The following NYNRIN variants were observed in gnomAD, a reference collection of about 807,000 sequenced individuals.
NYNRIN encodes the protein protein NYNRIN.
NYNRIN carries 86 observed loss-of-function variants against 146.6 expected under a neutral mutation model. The observed-to-expected ratio is 0.59, with a 90% CI of 0.49 to 0.70. NYNRIN has a LOEUF of 0.70. Among genes scored for constraint, NYNRIN ranks in the 30% least tolerant of loss-of-function variants. The pLI, the probability that NYNRIN is intolerant of heterozygous loss-of-function variation, is 0.00. For missense variants in NYNRIN, 2,191 were observed against 2,377.7 expected (o/e 0.92, Z 1.63); for synonymous variants, 1,027 against 1,001.3 (o/e 1.03, Z -0.48).
rs117382675 is a variant in NYNRIN, at chr14:24,400,302, C to G, written c.198+858C>G. The stretch of plus-strand genomic sequence containing the variant: ...CTGGCTTCTCTCACAAGCTTTTCCT[C>G]CCCTTGGGCCTGTCAGATTCCACTG... On this transcript the variant is annotated intron_variant, in intron 2 of 8. Transcript: ENST00000382554. Among the ~76,000 whole-genome samples, 79 of 152,348 alleles carry G rather than the reference C, an allele frequency of 5.2e-4. 3 individuals are homozygous for G. In the East Asian group the frequency reaches 0.015, roughly 29 times the overall value.
In NYNRIN at chr14:24,408,100, G is replaced by T. The variant is rs775948701; in HGVS notation, c.430G>T (p.Gly144Cys). ...GGAGCTGGTGGGGCGACTGCGCTGG[G>T]GCCCTGCCCCTCTGCTGACCCCCCG... ...LEELVGRLRW[G>C]PAPLLTPRGI... is the part of the protein sequence containing the mutation. The change falls in exon 3 of 9, where the codon GGC becomes TGC. Residue 144 changes from glycine (G) to cysteine (C), a missense_variant. Gly to Cys is a radical substitution (Grantham distance 159, BLOSUM62 -3). Coordinates refer to ENST00000382554, the MANE Select transcript of NYNRIN (RefSeq NM_025081.3). 6.2e-7 allele frequency: 1 copy of T among 1,612,704 alleles called. No homozygotes were observed. Among genetic ancestry groups the T allele is most frequent in the South Asian group, 1.1e-5 (1 of 91,040 alleles).
Position 24,409,820 on chromosome 14 carries a change from A to G in NYNRIN, c.2026A>G (p.Arg676Gly), listed in dbSNP as rs1217559901. ...AGTACCTGTGACCCCCAGAGTCTCC[A>G]GAGCTCCCAAAACACCTGCAGCTCA... ...PKVPVTPRVS[R>G]APKTPAAQKV... The change falls in exon 4 of 9, where the codon AGA (arginine) becomes GGA (glycine). Residue 676 changes from arginine (R) to glycine (G), a missense_variant. Physicochemically the swap from Arg to Gly is moderately radical, Grantham distance 125. Coordinates refer to ENST00000382554, the MANE Select transcript of NYNRIN (RefSeq NM_025081.3). The G allele has an allele frequency of 2.5e-6, 4 of 1,613,220 alleles. No homozygotes were observed. Among genetic ancestry groups the G allele is most frequent in the Admixed American group, 3.3e-5 (2 of 59,916 alleles).
In NYNRIN at chr14:24,416,003, C is replaced by T. The variant is rs776375140; in HGVS notation, c.4254C>T (p.Thr1418=). The change falls in exon 9 of 9, where the codon ACC becomes ACT. Residue 1418 remains threonine, a synonymous_variant. Transcript: ENST00000382554. ...TGCTCTCCTACATTATATCCCTCAC[C>T]TCTGGCCTCTCATCCCTTCCGTTTA... is the stretch of plus-strand genomic sequence containing the variant. ...PSLLSYIISL[T]SGLSSLPFIY... 3.1e-6 allele frequency: 5 copies of T among 1,614,044 alleles called. 1 individual carries two copies. The South Asian group carries it at 3.3e-5, about 11-fold the overall frequency.
In NYNRIN at chr14:24,411,256, T is replaced by C. The variant is rs756651086; in HGVS notation, c.2545+50T>C. ...CCTCCACAGTGTCACCAAGCTTTCT[T>C]CTCTCTGCCTTGCTGCCCCGACCCT... On this transcript the variant is annotated intron_variant, in intron 5 of 8. Coordinates refer to ENST00000382554, the MANE Select transcript of NYNRIN (RefSeq NM_025081.3). The surrounding 1 kb of genome is among the most constrained non-coding windows in gnomAD (Gnocchi z 4.3). The C allele has an allele frequency of 6.2e-7, 1 of 1,611,632 alleles. No homozygotes were observed. The highest frequency in any genetic ancestry group is 8.5e-7 in the Non-Finnish European group (1 of 1,178,904).
intron 7 of NYNRIN, 82 bp from the exon 8 acceptor site, chr14:24,413,234 G>A (rs4982909): frequency 7.0e-7 from 1 of 1,421,488 alleles, no homozygotes; most frequent in Non-Finnish European, 9.7e-7. Flanking sequence ...GGGTCTCAGC[G>A]CCATGGAGAA....
chr14:24,405,854 A>G (rs2042872397), intron 2 of NYNRIN, among the ~76,000 whole-genome samples: 1 of 152,258 alleles, frequency 6.6e-6, no homozygotes, highest in African/African-American at 2.4e-5. Flanking sequence ...CACAGTTCCT[A>G]TATATTTCTT....
At position 24,416,023 on chromosome 14, in the gene NYNRIN, C is replaced by T. The variant is rs375065906; in HGVS notation, c.4274C>T (p.Pro1425Leu). ...ISLTSGLSSL[P>L]FIYRTSYRGS... ...CTCACCTCTGGCCTCTCATCCCTTC[C>T]GTTTATCTACCGAACCTCCTACCGG... is the stretch of plus-strand genomic sequence containing the variant. Residue 1425 changes from proline to leucine, a missense_variant, in exon 9 of 9, where the codon CCG becomes CTG. Pro to Leu is a moderately conservative substitution (Grantham distance 98, BLOSUM62 -3). Coordinates refer to ENST00000382554, the MANE Select transcript of NYNRIN (RefSeq NM_025081.3). The T allele has an allele frequency of 1.4e-5, 23 of 1,613,904 alleles. No individual in the cohort carries two copies. The highest frequency in any genetic ancestry group is 2.7e-5 in the African/African-American group (2 of 74,932).
chr14:24,407,996 A>C lies in NYNRIN; in HGVS notation c.326A>C (p.Tyr109Ser). The change falls in exon 3 of 9, where the codon TAC becomes TCC. Residue 109 changes from tyrosine to serine, a missense_variant. By Grantham distance (144) the Tyr-to-Ser change is moderately radical (BLOSUM62 -2). Coordinates refer to ENST00000382554, the MANE Select transcript of NYNRIN (RefSeq NM_025081.3). Reference protein sequence around the residue: ...LDCLCWSTLAYLVPGPPGSLM... With the variant: ...LDCLCWSTLASLVPGPPGSLM... ...TGCCTCTGCTGGAGCACCCTTGCCT[A>C]CCTGGTGCCTGGCCCCCCTGGCTCC... The C allele has an allele frequency of 6.2e-7, 1 of 1,613,978 alleles. No individual in the cohort carries two copies. Among genetic ancestry groups the C allele is most frequent in the Non-Finnish European group, 8.5e-7 (1 of 1,179,890 alleles).
At chr14:24,414,294 C>T (rs904606266) in intron 8 of NYNRIN, among the ~76,000 whole-genome samples, 15 of 152,240 alleles carry the variant, frequency 9.9e-5, no homozygotes, top group Non-Finnish European at 1.8e-4. Context: ...GGCTGGAAGC[C>T]GCCAGTCATC....
In NYNRIN at chr14:24,415,429, C is replaced by G. The variant is rs755029945; in HGVS notation, c.3680C>G (p.Pro1227Arg). The G allele has an allele frequency of 9.9e-6, 16 of 1,613,864 alleles. No homozygotes were observed. Among genetic ancestry groups the G allele is most frequent in the African/African-American group, 1.3e-5 (1 of 74,932 alleles). ...TTTTCCCGCTGCATTGGAGACACCC[C>G]GGTGGTCCTGGACCTTTCCTATGCC... ...KHFSRCIGDT[P>R]VVLDLSYASR... is the part of the protein sequence containing the mutation. Residue 1227 changes from proline (P) to arginine (R), a missense_variant, in exon 9 of 9, where the codon CCG becomes CGG. Pro to Arg is a moderately radical substitution (Grantham distance 103). Coordinates refer to ENST00000382554, the MANE Select transcript of NYNRIN (RefSeq NM_025081.3).
At chr14:24,414,464 A>T (rs1484207635) in intron 8 of NYNRIN, 132 bp from the exon 9 acceptor site, 2 of 1,352,596 alleles carry the variant, frequency 1.5e-6, no homozygotes, top group South Asian at 1.6e-5. Context: ...AATTGTGCCT[A>T]TGCCATGCAA....
chr14:24,409,166 A>C lies in NYNRIN; in HGVS notation c.1372A>C (p.Ser458Arg), dbSNP rs1415252556. The C allele has an allele frequency of 1.5e-5, 24 of 1,613,784 alleles. No homozygotes were observed. Among genetic ancestry groups the C allele is most frequent in the Non-Finnish European group, 1.9e-5 (23 of 1,179,874 alleles). Residue 458 changes from serine (S) to arginine (R), a missense_variant, in exon 4 of 9, where the codon AGT (serine) becomes CGT (arginine). Coordinates refer to ENST00000382554, the MANE Select transcript of NYNRIN (RefSeq NM_025081.3). The stretch of plus-strand genomic sequence containing the variant: ...GCCAGAGATTTCCCCAAAAGTTACG[A>C]GTTTATTGGTGGTCCCTGGGAGCTC... ...PRPEISPKVT[S>R]LLVVPGSSDV...
chr14:24,399,474 C>G, intron 2 of NYNRIN, 30 bp downstream of exon 2: 1 of 1,555,180 alleles, frequency 6.4e-7, no homozygotes, highest in Non-Finnish European at 8.7e-7. Flanking sequence ...CCCCACCCAT[C>G]TCTTCCAGCC....
chr14:24,409,968 C>T lies in NYNRIN; in HGVS notation c.2174C>T (p.Pro725Leu), dbSNP rs1201916164. 2.5e-6 allele frequency: 4 copies of T among 1,613,794 alleles called. No homozygotes were observed. Among genetic ancestry groups the T allele is most frequent in the Admixed American group, 1.7e-5 (1 of 60,000 alleles). Residue 725 changes from proline to leucine, a missense_variant, in exon 4 of 9, where the codon CCC (proline) becomes CTC (leucine). Coordinates refer to ENST00000382554, the MANE Select transcript of NYNRIN (RefSeq NM_025081.3). ...KGQGQAGRQG[P>L]QSSGTLALSS... ...CAGGGGCAGGCTGGAAGGCAGGGTC[C>T]CCAGTCCAGTGGCACCTTGGCCCTC... is the stretch of plus-strand genomic sequence containing the variant.
rs371937730 is a variant in NYNRIN, at chr14:24,411,149, C to T, written c.2488C>T (p.Arg830Ter). Residue 830 changes from arginine to a stop codon, truncating the protein, a stop_gained, in exon 5 of 9, where the codon CGA becomes TGA. Transcript: ENST00000382554. LOFTEE classifies it high-confidence loss of function. This position sits in a 1 kb window ranked among gnomAD's most constrained non-coding sequence, Gnocchi z 4.3. ...AVQFFWNRGH[R>*]EVTVFVPTWQ... The stretch of plus-strand genomic sequence containing the variant: ...GCAGTTTTTCTGGAACCGGGGACAC[C>T]GAGAGGTCACTGTGTTTGTACCCAC... 17 of 1,609,712 alleles carry T rather than the reference C, an allele frequency of 1.1e-5. No individual in the cohort carries two copies. Among genetic ancestry groups the T allele is most frequent in the Admixed American group, 1.7e-5 (1 of 59,302 alleles).
chr14:24,411,311 A>C lies in NYNRIN; in HGVS notation c.2546-43A>C. ...CACCCCAGAGTGGCCATTTCCACTT[A>C]GCCCTCCCTTGACCATTTCTGTCTT... On this transcript the variant is annotated intron_variant, in intron 5 of 8. Transcript: ENST00000382554. This position sits in a 1 kb window ranked among gnomAD's most constrained non-coding sequence, Gnocchi z 4.3. 3 of 1,612,724 alleles carry C rather than the reference A, an allele frequency of 1.9e-6. No individual in the cohort carries two copies. The highest frequency in any genetic ancestry group is 2.5e-6 in the Non-Finnish European group (3 of 1,178,848).
rs752053594 is a variant in NYNRIN, at chr14:24,416,025, T to C, written c.4276T>C (p.Phe1426Leu). ...SLTSGLSSLP[F>L]IYRTSYRGSL... Reference sequence around the variant, plus strand: ...CACCTCTGGCCTCTCATCCCTTCCGTTTATCTACCGAACCTCCTACCGGGG... The same window carrying C: ...CACCTCTGGCCTCTCATCCCTTCCGCTTATCTACCGAACCTCCTACCGGGG... Residue 1426 changes from phenylalanine to leucine, a missense_variant, in exon 9 of 9, where the codon TTT becomes CTT. By Grantham distance (22) the Phe-to-Leu change is conservative (BLOSUM62 0). Coordinates refer to ENST00000382554, the MANE Select transcript of NYNRIN (RefSeq NM_025081.3). 2 of 1,613,992 alleles carry C rather than the reference T, an allele frequency of 1.2e-6. No individual in the cohort carries two copies. The highest frequency in any genetic ancestry group is 1.7e-6 in the Non-Finnish European group (2 of 1,179,880).
chr14:24,409,272 G>A lies in NYNRIN; in HGVS notation c.1478G>A (p.Gly493Asp). 5.0e-6 allele frequency: 8 copies of A among 1,614,062 alleles called. No homozygotes were observed. The highest frequency in any genetic ancestry group is 5.9e-6 in the Non-Finnish European group (7 of 1,179,904). Residue 493 changes from glycine (G) to aspartate (D), a missense_variant, in exon 4 of 9, where the codon GGT (glycine) becomes GAT (aspartate). Gly to Asp is a moderately conservative substitution (Grantham distance 94). This residue lies in a region of NYNRIN where 895 missense variants were observed against 941.2 expected (regional missense o/e 0.95). Transcript: ENST00000382554. ...TCTACACCCCAACTACAGGCTGGAG[G>A]TGAGCCGGGGGATCAAGGGAGTATG... ...LTSTPQLQAG[G>D]EPGDQGSMQL... is the part of the protein sequence containing the mutation.
chr14:24,409,742 G>T lies in NYNRIN; in HGVS notation c.1948G>T (p.Ala650Ser). Residue 650 changes from alanine to serine, a missense_variant, in exon 4 of 9, where the codon GCA becomes TCA. By Grantham distance (99) the Ala-to-Ser change is moderately conservative (BLOSUM62 1). Around this residue, in one of 3 missense-constraint regions of NYNRIN, gnomAD observed 895 missense variants for 941.2 expected, o/e 0.95. Transcript: ENST00000382554. ...PKTPKAQAGPAATVSKAPAAS... is the reference protein window; with the variant it reads ...PKTPKAQAGPSATVSKAPAAS... ...AACACCCAAAGCTCAAGCCGGGCCTGCAGCTACAGTTTCCAAAGCACCTGC... is the reference window on the plus strand; with the variant it reads ...AACACCCAAAGCTCAAGCCGGGCCTTCAGCTACAGTTTCCAAAGCACCTGC... 1 of 1,609,750 alleles carries T rather than the reference G, an allele frequency of 6.2e-7. No individual in the cohort carries two copies. The highest frequency in any genetic ancestry group is 1.3e-5 in the African/African-American group (1 of 74,886).
Sources: gnomAD v4.1 joint callset for allele counts (sites outside exome capture counted in the v4.1 genomes callset) on GRCh38, gnomAD v4.1.1 for gene constraint, gnomAD v4.1.1 regional missense constraint, Gnocchi (gnomAD v3.1) non-coding constraint, MANE v1.5 for transcripts, NCBI Gene and HGNC (gene_info 2026-07-23, HGNC 2026-07-21) for gene names.